Variants in DCC observed in about 807,000 individuals in gnomAD.
DCC encodes netrin receptor DCC.
A neutral mutation model predicts 172.5 loss-of-function variants in DCC; 58 were observed. The ratio of observed to expected loss-of-function variants is 0.34; its 90% CI spans 0.27 to 0.42. The LOEUF (loss-of-function observed/expected upper bound fraction) is 0.42. DCC is among the 10% of genes least tolerant of loss of function. The pLI, the probability that DCC is intolerant of heterozygous loss-of-function variation, is 1.00. For missense variants in DCC, 1,740 were observed against 1,791.0 expected (o/e 0.97, Z 0.51); for synonymous variants, 709 against 644.5 (o/e 1.10, Z -1.52).
At chr18:52,860,358 A>G (rs1454051662) in intron 2 of DCC, among the ~76,000 whole-genome samples, 2 of 152,228 alleles carry the variant, frequency 1.3e-5, no homozygotes, top group African/African-American at 2.4e-5. Flanking sequence ...AGCTTCAAGA[A>G]AAGCACAGTT....
chr18:53,063,505 T>G, intron 6 of DCC, 46 bp downstream of exon 6: 4 of 1,443,218 alleles, frequency 2.8e-6, no homozygotes, highest in Non-Finnish European at 3.8e-6. Flanking sequence ...ATTCATTGTT[T>G]TCTATTTTTT....
At chr18:52,754,671 C>G (rs768376709) in intron 2 of DCC, among the ~76,000 whole-genome samples, 19 of 152,216 alleles carry the variant, frequency 1.2e-4, no homozygotes, top group Non-Finnish European at 2.5e-4. Context: ...GCCACCCAAA[C>G]TGATGAAGGC....
At chr18:53,265,389 A>T (rs573819790) in intron 12 of DCC, among the ~76,000 whole-genome samples, 5 of 152,216 alleles carry the variant, frequency 3.3e-5, no homozygotes, top group African/African-American at 1.2e-4. Context: ...AAAGTGTACT[A>T]TGCATTGGAG....
At chr18:52,859,026 G>A (rs1455084394) in intron 2 of DCC, among the ~76,000 whole-genome samples, 1 of 151,714 alleles carries the variant, frequency 6.6e-6, no homozygotes, top group African/African-American at 2.4e-5. Flanking sequence ...TTAAAAAAAT[G>A]GCCCATTGGC....
At chr18:53,355,805 C>A (rs1172493762) in intron 15 of DCC, among the ~76,000 whole-genome samples, 1 of 151,966 alleles carries the variant, frequency 6.6e-6, no homozygotes, top group Non-Finnish European at 1.5e-5. Context: ...TGTACCACTG[C>A]CTCTGCACAT....
At chr18:53,365,789 G>A (rs933249811) in intron 15 of DCC, among the ~76,000 whole-genome samples, 1 of 152,198 alleles carries the variant, frequency 6.6e-6, no homozygotes, top group Non-Finnish European at 1.5e-5. Context: ...TGAGAGAACA[G>A]TGGTTGATTG....
intron 5 of DCC, among the ~76,000 whole-genome samples, chr18:53,011,870 A>G (rs910290328): frequency 6.6e-6 from 1 of 151,818 alleles, no homozygotes; most frequent in Non-Finnish European, 1.5e-5. Flanking sequence ...TATATAAGCT[A>G]TAACTTTATA....
chr18:52,957,141 A>C (rs2145560310), intron 5 of DCC, among the ~76,000 whole-genome samples: 1 of 152,292 alleles, frequency 6.6e-6, no homozygotes, highest in East Asian at 1.9e-4. Flanking sequence ...TCAAATTAAA[A>C]GGTTTGCTAG....
chr18:53,070,128 C>T (rs1935594913), intron 7 of DCC, among the ~76,000 whole-genome samples: 1 of 151,944 alleles, frequency 6.6e-6, no homozygotes, highest in Non-Finnish European at 1.5e-5. Context: ...TACAGGCATC[C>T]ACCACCAAGC....
chr18:52,989,458 C>A (rs1444685138), intron 5 of DCC, among the ~76,000 whole-genome samples: 1 of 151,060 alleles, frequency 6.6e-6, no homozygotes, highest in Non-Finnish European at 1.5e-5. Context: ...GGGAGGTGGT[C>A]GTTGCAGTGA....
chr18:53,243,458 A>G (rs2056329012), intron 12 of DCC, among the ~76,000 whole-genome samples: 1 of 152,198 alleles, frequency 6.6e-6, no homozygotes, highest in Non-Finnish European at 1.5e-5. Context: ...CCAAGGAGAC[A>G]AGTATTATTC....
chr18:52,676,760 G>C (rs370198447), intron 1 of DCC, among the ~76,000 whole-genome samples: 3 of 152,096 alleles, frequency 2.0e-5, no homozygotes, highest in African/African-American at 7.2e-5. Context: ...CTTCTCTTGG[G>C]TTTGCTTTCT....
chr18:52,981,672 T>C (rs1304993779), intron 5 of DCC, among the ~76,000 whole-genome samples: 5 of 152,174 alleles, frequency 3.3e-5, no homozygotes, highest in Admixed American at 6.6e-5. Flanking sequence ...CAATCAATAA[T>C]ATTTTTTGAT....
intron 19 of DCC, among the ~76,000 whole-genome samples, chr18:53,405,832 T>A (rs192316114): frequency 1.3e-5 from 2 of 152,346 alleles, no homozygotes; most frequent in East Asian, 3.9e-4. Context: ...AGGCCTTTCC[T>A]GAGTAAATAA....
intron 16 of DCC, among the ~76,000 whole-genome samples, chr18:53,388,198 C>A (rs1040534352): frequency 6.6e-6 from 1 of 152,162 alleles, no homozygotes; most frequent in African/African-American, 2.4e-5. Context: ...GAGAAGAATG[C>A]GTGATTCCAG....
At chr18:53,525,173 G>A (rs956305777) in intron 27 of DCC, among the ~76,000 whole-genome samples, 4 of 152,016 alleles carry the variant, frequency 2.6e-5, no homozygotes, top group African/African-American at 9.7e-5. Context: ...GCCAAGACAG[G>A]TTCAGTTGAC....
intron 13 of DCC, among the ~76,000 whole-genome samples, chr18:53,309,230 G>A (rs2057236822): frequency 1.3e-5 from 2 of 152,028 alleles, no homozygotes; most frequent in Admixed American, 6.6e-5. Flanking sequence ...GTAGAGACAA[G>A]GTCTTGCTTT....
chr18:52,833,542 A>C (rs1413269135), intron 2 of DCC, among the ~76,000 whole-genome samples: 1 of 152,062 alleles, frequency 6.6e-6, no homozygotes, highest in Non-Finnish European at 1.5e-5. Context: ...CCCATCCCAG[A>C]GTCTCAGATT....
At chr18:53,192,555 C>G (rs1382785975) in intron 9 of DCC, among the ~76,000 whole-genome samples, 2 of 152,044 alleles carry the variant, frequency 1.3e-5, no homozygotes, top group African/African-American at 4.8e-5. Flanking sequence ...ACTAGCTGGT[C>G]TTCCTGAAAA....
Sources: allele counts gnomAD v4.1 joint callset (sites outside exome capture counted in the v4.1 genomes callset), GRCh38; gene constraint gnomAD v4.1.1; transcripts MANE v1.5; gene names NCBI Gene and HGNC (gene_info 2026-07-23, HGNC 2026-07-21).